RBFOX1: variants seen among roughly 807,000 people sequenced by gnomAD.
RBFOX1 encodes the protein RNA binding protein fox-1 homolog 1.
RBFOX1 carries 8 observed loss-of-function variants against 57.7 expected under a neutral mutation model. The ratio of observed to expected loss-of-function variants is 0.14; its 90% confidence interval spans 0.08 to 0.25. The LOEUF (loss-of-function observed/expected upper bound fraction) is 0.25. Ranked by LOEUF, RBFOX1 falls within the 10% of genes least tolerant of loss-of-function variation. RBFOX1 has a pLI of 1.00. For synonymous variants in RBFOX1, 326 were observed against 222.4 expected, an observed-to-expected ratio of 1.47 and a Z score of -4.15; for missense variants, 611 against 548.5, an observed-to-expected ratio of 1.11 and a Z score of -1.14.
At position 7,011,965 on chromosome 16, in the gene RBFOX1, C is replaced by T. The variant is rs1313717305; in HGVS notation, c.-15-40092C>T. On this transcript the variant is annotated intron_variant, in intron 3 of 15. Transcript: ENST00000550418. ...AATACGCCCTTCATTAATCCTCTGACATTGGCTAAGTAGATCATGATGTGG... is the reference window on the plus strand; with the variant it reads ...AATACGCCCTTCATTAATCCTCTGATATTGGCTAAGTAGATCATGATGTGG... Among the ~76,000 whole-genome samples the T allele has an allele frequency of 3.3e-5, 5 of 152,306 alleles. No homozygotes were observed. The East Asian group carries it at 7.7e-4, about 24-fold the overall frequency.
chr16:5,362,690 T>A (rs1168416795), intron 1 of RBFOX1, among the ~76,000 whole-genome samples: 2 of 152,088 alleles, frequency 1.3e-5, no homozygotes, highest in African/African-American at 4.8e-5. Flanking sequence ...ACCCATTGAA[T>A]AGCAACTCCC....
chr16:6,310,726 G>A (rs2080155329), intron 1 of RBFOX1, among the ~76,000 whole-genome samples: 1 of 152,096 alleles, frequency 6.6e-6, no homozygotes, highest in South Asian at 2.1e-4. Context: ...GTGCTTCGAG[G>A]TGCTGCCACT....
rs1299020681 is a variant in RBFOX1 at position 6,505,540 on chromosome 16, C to T, written c.-63-149063C>T. On this transcript the variant is annotated intron_variant, in intron 2 of 15. Coordinates refer to ENST00000550418, the MANE Select transcript of RBFOX1 (RefSeq NM_018723.4). The stretch of plus-strand genomic sequence containing the variant: ...CACACGTTTACTCTGTGTATTCTCA[C>T]CGTCTAGTACAGCTAGACAGAGATT... Among the ~76,000 whole-genome samples the T allele has an allele frequency of 8.5e-5, 13 of 152,202 alleles. 1 individual carries two copies. Among genetic ancestry groups the T allele is most frequent in the Admixed American group, 5.2e-4 (8 of 15,284 alleles).
At chr16:7,249,489 CTCTG>C (rs1386015594) in intron 4 of RBFOX1, among the ~76,000 whole-genome samples, 8 of 152,028 alleles carry the variant, frequency 5.3e-5, no homozygotes, top group South Asian at 4.2e-4. Context: ...TATCTGAATT[CTCTG>C]TCTTTCTCTC....
At chr16:7,251,896 T>C (rs947655017) in intron 4 of RBFOX1, among the ~76,000 whole-genome samples, 3 of 152,242 alleles carry the variant, frequency 2.0e-5, no homozygotes, top group Non-Finnish European at 4.4e-5. Context: ...TTTTAATTTT[T>C]TAAGGAACCT....
Position 6,019,878 on chromosome 16 carries a change from C to T in RBFOX1, c.-241C>T, listed in dbSNP as rs1049365406. ...GGACAGTGCGTGAGAAACCAGCACC[C>T]CCTTCCGCCGCCTCCAGCTTATGGT... On this transcript the variant is annotated 5_prime_UTR_variant, in exon 1 of 16. Transcript: ENST00000550418. The surrounding 1 kb of genome is among the most constrained non-coding windows in gnomAD (Gnocchi z 4.2). 6 of 1,534,890 alleles carry T rather than the reference C, an allele frequency of 3.9e-6. No homozygotes were observed. The highest frequency in any genetic ancestry group is 4.4e-6 in the Non-Finnish European group (5 of 1,146,462).
At chr16:5,495,454 A>G (rs2042972436) in intron 2 of RBFOX1, among the ~76,000 whole-genome samples, 1 of 152,168 alleles carries the variant, frequency 6.6e-6, no homozygotes, top group Admixed American at 6.5e-5. Context: ...GTCACCTCCT[A>G]CCAGGCCTCA....
At chr16:5,901,137 A>G (rs1450106207) in intron 4 of RBFOX1, among the ~76,000 whole-genome samples, 2 of 152,176 alleles carry the variant, frequency 1.3e-5, no homozygotes, top group African/African-American at 4.8e-5. Context: ...CTGGCGTCTC[A>G]GCAGCAGCCC....
rs180852424 is a variant in RBFOX1, at chr16:7,211,336, G to T, written c.27+159238G>T. On this transcript the variant is annotated intron_variant, in intron 4 of 15. Coordinates refer to ENST00000550418, the MANE Select transcript of RBFOX1 (RefSeq NM_018723.4). The stretch of plus-strand genomic sequence containing the variant: ...GAACCTGGGAGGCGGAGCTTGCAGT[G>T]AGCCGAGATTGCACCACTGCGCCCC... Among the ~76,000 whole-genome samples, 240 of 147,240 alleles carry T rather than the reference G, an allele frequency of 1.6e-3. 1 individual carries two copies. The highest frequency in any genetic ancestry group is 5.8e-3 in the African/African-American group (228 of 39,288).
chr16:5,524,017 A>G (rs2044133457), intron 2 of RBFOX1, among the ~76,000 whole-genome samples: 1 of 152,200 alleles, frequency 6.6e-6, no homozygotes, highest in African/African-American at 2.4e-5. Flanking sequence ...ATTCAAAGCT[A>G]GATAATCCGC....
chr16:5,574,863 T>C (rs749445797), intron 2 of RBFOX1, among the ~76,000 whole-genome samples: 1 of 152,194 alleles, frequency 6.6e-6, no homozygotes, highest in African/African-American at 2.4e-5. Flanking sequence ...AAGGAGATGG[T>C]TCTATAACCC....
At chr16:5,859,024 G>A (rs2057143581) in intron 3 of RBFOX1, among the ~76,000 whole-genome samples, 1 of 152,130 alleles carries the variant, frequency 6.6e-6, no homozygotes, top group African/African-American at 2.4e-5. Flanking sequence ...AGCCTGCATG[G>A]TGAAACCCCA....
intron 2 of RBFOX1, among the ~76,000 whole-genome samples, chr16:5,503,652 C>T (rs954782135): frequency 2.6e-5 from 4 of 152,120 alleles, no homozygotes; most frequent in Admixed American, 6.5e-5. Flanking sequence ...CCATGTTGGT[C>T]AGGTTGGTCT....
chr16:7,386,617 G>T (rs1289307525), intron 4 of RBFOX1, among the ~76,000 whole-genome samples: 9 of 152,004 alleles, frequency 5.9e-5, no homozygotes, highest in Admixed American at 5.9e-4. Flanking sequence ...TCTTTATTCA[G>T]TCTTTATCAT....
intron 1 of RBFOX1, among the ~76,000 whole-genome samples, chr16:6,123,586 G>T (rs556625764): frequency 1.3e-5 from 2 of 152,296 alleles, no homozygotes; most frequent in South Asian, 4.1e-4. Context: ...AGCAGCGATG[G>T]TTGTATAACA....
intron 1 of RBFOX1, among the ~76,000 whole-genome samples, chr16:6,029,189 T>C (rs901011750): frequency 2.6e-5 from 4 of 152,220 alleles, no homozygotes; most frequent in African/African-American, 9.6e-5. Flanking sequence ...TGTGGAAAGA[T>C]ATTTTGTTTC....
chr16:6,467,082 A>C (rs1021107896), intron 2 of RBFOX1, among the ~76,000 whole-genome samples: 2 of 151,018 alleles, frequency 1.3e-5, no homozygotes, highest in Non-Finnish European at 3.0e-5. Context: ...TATACTAACC[A>C]TTTAATGTAA....
At chr16:6,126,078 A>G (rs1567515841) in intron 1 of RBFOX1, among the ~76,000 whole-genome samples, 1 of 152,190 alleles carries the variant, frequency 6.6e-6, no homozygotes, top group Non-Finnish European at 1.5e-5. Context: ...TGATTCATTG[A>G]ACAGTCAGAT....
intron 1 of RBFOX1, among the ~76,000 whole-genome samples, chr16:6,061,051 C>T (rs1040597184): frequency 1.3e-5 from 2 of 152,096 alleles, no homozygotes; most frequent in African/African-American, 4.8e-5. Flanking sequence ...ACACTGATTA[C>T]GACCCATGCA....
Sources: allele counts gnomAD v4.1 joint callset (sites outside exome capture counted in the v4.1 genomes callset), GRCh38; gene constraint gnomAD v4.1.1; non-coding constraint Gnocchi (gnomAD v3.1); transcripts MANE v1.5; gene names NCBI Gene and HGNC (gene_info 2026-07-23, HGNC 2026-07-21).